The following WDR49 variants were observed in gnomAD, a reference collection of about 807,000 sequenced individuals.
WDR49 encodes the protein WD repeat domain 49.
In WDR49, 107 loss-of-function variants were observed where a neutral mutation model predicts 119.5. That is an observed-to-expected ratio of 0.90 (90% confidence interval 0.77 to 1.05). The LOEUF is 1.05. Among genes scored for constraint, WDR49 ranks in the 50% least tolerant of loss-of-function variants. WDR49 has a pLI of 0.00. For synonymous variants in WDR49, 425 were observed against 418.8 expected (o/e 1.01, Z -0.18); for missense variants, 1,240 against 1,220.5 (o/e 1.02, Z -0.24).
At chr3:167,602,297 A>C in intron 6 of WDR49, 22 bp from the exon 7 acceptor site, 1 of 1,551,214 alleles carries the variant, frequency 6.4e-7, no homozygotes, top group Non-Finnish European at 8.8e-7. Context: ...TAGAAAGAAA[A>C]AAAATGTTTT....
intron 8 of WDR49, among the ~76,000 whole-genome samples, chr3:167,563,897 G>A (rs1033149804): frequency 1.3e-5 from 2 of 152,128 alleles, no homozygotes; most frequent in South Asian, 2.1e-4. Context: ...GCTATTATAT[G>A]TTAGCCATTT....
intron 2 of WDR49, among the ~76,000 whole-genome samples, chr3:167,633,031 A>G (rs1717442283): frequency 6.6e-6 from 1 of 152,002 alleles, no homozygotes; most frequent in Admixed American, 6.6e-5. Context: ...GAATAGAAGA[A>G]TTATAAATTG....
intron 2 of WDR49, among the ~76,000 whole-genome samples, chr3:167,650,332 G>T (rs1221227417): frequency 1.3e-5 from 2 of 152,162 alleles, no homozygotes; most frequent in Admixed American, 1.3e-4. Context: ...TCTAAGTATT[G>T]TAAGTGCTAC....
At position 167,536,880 on chromosome 3, in the gene WDR49, A is replaced by C. The variant is rs1405174888; in HGVS notation, c.1944T>G (p.Thr648=). The C allele has an allele frequency of 1.3e-6, 2 of 1,514,000 alleles. No homozygotes were observed. Among genetic ancestry groups the C allele is most frequent in the African/African-American group, 1.4e-5 (1 of 70,942 alleles). The allele number at this position is 1,514,000 out of a possible 1,614,324, so 93.8% of individuals were successfully genotyped here. Reference sequence around the variant, plus strand: ...GAAAGTTCAATTTACCCGTAACAAGAGTTTGTGGAGGTAAAAACGCAGCAC... The same window carrying C: ...GAAAGTTCAATTTACCCGTAACAAGCGTTTGTGGAGGTAAAAACGCAGCAC... ...ILCAAFLPPQ[T]LVTGSYDGEI... The change falls in exon 11 of 19, where the codon ACT becomes ACG. Residue 648 remains threonine, a synonymous_variant. Coordinates refer to ENST00000682715, the MANE Select transcript of WDR49 (RefSeq NM_001366157.1).
chr3:167,512,340 A>AC (rs1387712435), intron 16 of WDR49, among the ~76,000 whole-genome samples: 2 of 152,042 alleles, frequency 1.3e-5, no homozygotes, highest in African/African-American at 4.8e-5. Context: ...CCTAGAGTGG[A>AC]CCCCCAGCAA....
intron 2 of WDR49, among the ~76,000 whole-genome samples, chr3:167,630,238 C>T (rs566339115): frequency 2.0e-5 from 3 of 152,126 alleles, no homozygotes; most frequent in Non-Finnish European, 2.9e-5. Flanking sequence ...CAGACATCAA[C>T]ATCAAAGCAA....
chr3:167,495,575 T>C (rs538739190), intron 18 of WDR49, among the ~76,000 whole-genome samples: 7 of 152,116 alleles, frequency 4.6e-5, no homozygotes, highest in African/African-American at 1.2e-4. Context: ...GTCTAACATA[T>C]GTGTAATTGC....
intron 7 of WDR49, 136 bp from the exon 8 acceptor site, chr3:167,576,287 T>A (rs1714251138): frequency 7.4e-6 from 5 of 674,944 alleles, no homozygotes; most frequent in Non-Finnish European, 1.3e-5. Context: ...TTCTCAATTC[T>A]GCCATAGCAC....
intron 18 of WDR49, among the ~76,000 whole-genome samples, chr3:167,484,545 A>G (rs1750851165): frequency 6.6e-6 from 1 of 152,080 alleles, no homozygotes; most frequent in Non-Finnish European, 1.5e-5. Context: ...AGTGCTACAT[A>G]TTTTGAACTT....
intron 10 of WDR49, among the ~76,000 whole-genome samples, chr3:167,550,665 T>C (rs1427437390): frequency 6.6e-6 from 1 of 151,824 alleles, no homozygotes; most frequent in Non-Finnish European, 1.5e-5. Flanking sequence ...ATATATACAA[T>C]TTTTATTTGT....
chr3:167,610,103 A>G (rs1428170039), intron 5 of WDR49, among the ~76,000 whole-genome samples: 1 of 152,192 alleles, frequency 6.6e-6, no homozygotes. Flanking sequence ...GACTCGGCAC[A>G]TTACTAGCTG....
chr3:167,598,711 G>A lies in WDR49; in HGVS notation c.1275+3416C>T, dbSNP rs539067510. Among the ~76,000 whole-genome samples, 24 of 152,300 alleles carry A rather than the reference G, an allele frequency of 1.6e-4. No individual in the cohort carries two copies. The South Asian group carries it at 4.6e-3, about 29-fold the overall frequency. On this transcript the variant is annotated intron_variant, in intron 7 of 18. Transcript: ENST00000682715. ...CAGTCTCATAGTTCTTTGTAGCAGT[G>A]TGAAAATGGACTAATACATTTTTTG...
chr3:167,561,219 A>G (rs886251243), intron 8 of WDR49, among the ~76,000 whole-genome samples: 2 of 152,168 alleles, frequency 1.3e-5, no homozygotes, highest in Admixed American at 6.6e-5. Context: ...CATCATGCAT[A>G]CATTCATTCA....
In WDR49 at chr3:167,532,993, T is replaced by C. The variant is rs773116758; in HGVS notation, c.1955-16A>G. ...TCATAACTCCCTACACAAGACAGGATGGAGAATATAAATTGCCAGGAGATT... is the reference window on the plus strand; with the variant it reads ...TCATAACTCCCTACACAAGACAGGACGGAGAATATAAATTGCCAGGAGATT... On this transcript the variant is annotated splice_polypyrimidine_tract_variant and intron_variant, in intron 11 of 18. Transcript: ENST00000682715. 3.9e-6 allele frequency: 6 copies of C among 1,528,220 alleles called. No homozygotes were observed. The African/African-American group carries it at 6.9e-5, about 17-fold the overall frequency. 94.7% of individuals were successfully genotyped at this position (1,528,220 alleles called of 1,614,324 possible). A position where few individuals can be genotyped will look rare whatever the true frequency, so the allele number is the denominator to read the frequency against.
chr3:167,617,893 AC>A (rs1716677936), intron 5 of WDR49, among the ~76,000 whole-genome samples: 2 of 152,008 alleles, frequency 1.3e-5, no homozygotes, highest in Non-Finnish European at 2.9e-5. Context: ...TTCTCCTCTA[AC>A]CCATGCTGAA....
At chr3:167,612,364 C>T (rs1343309896) in intron 5 of WDR49, among the ~76,000 whole-genome samples, 2 of 148,844 alleles carry the variant, frequency 1.3e-5, no homozygotes, top group African/African-American at 5.0e-5. Flanking sequence ...AAAGTGCCTT[C>T]ATCAAAAAAA....
chr3:167,629,937 G>A (rs1577289124), intron 2 of WDR49, among the ~76,000 whole-genome samples: 1 of 152,224 alleles, frequency 6.6e-6, no homozygotes, highest in East Asian at 1.9e-4. Flanking sequence ...GTTGTTTCTT[G>A]AGATGGAATC....
chr3:167,590,285 GT>G (rs990898991), intron 7 of WDR49, among the ~76,000 whole-genome samples: 2 of 152,060 alleles, frequency 1.3e-5, no homozygotes, highest in African/African-American at 2.4e-5. Flanking sequence ...TTTTAAATGT[GT>G]TGTTGAATTT....
At chr3:167,558,891 C>T (rs1244965886) in intron 9 of WDR49, among the ~76,000 whole-genome samples, 1 of 152,164 alleles carries the variant, frequency 6.6e-6, no homozygotes, top group Admixed American at 6.5e-5. Flanking sequence ...TACTATTTGC[C>T]TGAACCACTG....
Sources: allele counts gnomAD v4.1 joint callset (sites outside exome capture counted in the v4.1 genomes callset), GRCh38; gene constraint gnomAD v4.1.1; transcripts MANE v1.5; gene names NCBI Gene and HGNC (gene_info 2026-07-23, HGNC 2026-07-21).